The following NTM variants were observed in gnomAD, a reference collection of about 807,000 sequenced individuals.
NTM encodes the protein neurotrimin.
In NTM, 13 loss-of-function variants were observed where a neutral mutation model predicts 42.1. The observed-to-expected ratio is 0.31, with a 90% CI of 0.20 to 0.49. The LOEUF (loss-of-function observed/expected upper bound fraction) is 0.49. NTM is among the 20% of genes least tolerant of loss of function. NTM has a pLI of 0.99. For synonymous variants in NTM, 187 were observed against 179.2 expected, an observed-to-expected ratio of 1.04 and a Z score of -0.35; for missense variants, 373 against 452.8, an observed-to-expected ratio of 0.82 and a Z score of 1.60.
intron 1 of NTM, among the ~76,000 whole-genome samples, chr11:131,785,016 T>C (rs1473622640): frequency 1.3e-5 from 2 of 152,122 alleles, no homozygotes; most frequent in Non-Finnish European, 2.9e-5. Context: ...TTTAAAATCT[T>C]CCTTACTGTG....
chr11:132,138,563 AATCTATCT>A (rs6144568), intron 2 of NTM, among the ~76,000 whole-genome samples: 6,453 of 127,094 alleles, frequency 0.051, 227 homozygotes, highest in East Asian at 0.12. Context: ...TTTTCAACAG[AATCTATCT>A]ATCTATCTAT....
intron 3 of NTM, among the ~76,000 whole-genome samples, chr11:132,169,934 C>A (rs1001862866): frequency 1.3e-5 from 2 of 152,128 alleles, no homozygotes; most frequent in Non-Finnish European, 2.9e-5. Flanking sequence ...CTCCAGAAAT[C>A]TAGTGTTAGG....
At chr11:132,071,568 A>G (rs11222900) in intron 2 of NTM, among the ~76,000 whole-genome samples, 16,523 of 152,246 alleles carry the variant, frequency 0.11, 946 homozygotes, top group Middle Eastern at 0.19. Context: ...ATGAAAATAC[A>G]TTAGCCATGA....
chr11:132,173,730 T>A (rs1173675360), intron 3 of NTM, among the ~76,000 whole-genome samples: 1 of 152,148 alleles, frequency 6.6e-6, no homozygotes, highest in African/African-American at 2.4e-5. Context: ...GCTCACAGAT[T>A]GTGACTTGTG....
At chr11:132,106,307 T>C (rs1031683231) in intron 2 of NTM, among the ~76,000 whole-genome samples, 2 of 152,234 alleles carry the variant, frequency 1.3e-5, no homozygotes, top group African/African-American at 4.8e-5. Context: ...TTGTATGATA[T>C]TTCAACTTAG....
intron 4 of NTM, among the ~76,000 whole-genome samples, chr11:132,254,686 G>A (rs561995785): frequency 2.5e-4 from 38 of 152,152 alleles, no homozygotes; most frequent in African/African-American, 8.7e-4. Context: ...CTGGAAGACC[G>A]CACCACCATT....
At chr11:132,102,563 A>G (rs1282940028) in intron 2 of NTM, among the ~76,000 whole-genome samples, 1 of 152,242 alleles carries the variant, frequency 6.6e-6, no homozygotes, top group Non-Finnish European at 1.5e-5. Flanking sequence ...TCTTATAAGC[A>G]GGTAGCAAGG....
At chr11:131,762,952 C>A (rs1022244476) in intron 1 of NTM, among the ~76,000 whole-genome samples, 2 of 152,174 alleles carry the variant, frequency 1.3e-5, no homozygotes, top group Non-Finnish European at 2.9e-5. Flanking sequence ...GCTGGCAGCC[C>A]GGGAATGTCG....
At chr11:131,873,851 C>G (rs2048160039) in intron 1 of NTM, among the ~76,000 whole-genome samples, 1 of 142,140 alleles carries the variant, frequency 7.0e-6, no homozygotes, top group Admixed American at 7.5e-5. Context: ...TATTCCCCAC[C>G]CTGTGTCCAT....
intron 2 of NTM, among the ~76,000 whole-genome samples, chr11:131,936,344 T>A (rs2059214529): frequency 6.6e-6 from 1 of 152,188 alleles, no homozygotes; most frequent in Admixed American, 6.5e-5. Context: ...CTTTTGTCCG[T>A]CCTAAATTTT....
intron 1 of NTM, among the ~76,000 whole-genome samples, chr11:131,827,786 A>G (rs1003181911): frequency 6.6e-6 from 1 of 152,168 alleles, no homozygotes; most frequent in Non-Finnish European, 1.5e-5. Context: ...TCCCCAAATT[A>G]ACTTGTCACA....
At chr11:131,825,227 T>C (rs1420433169) in intron 1 of NTM, among the ~76,000 whole-genome samples, 2 of 152,170 alleles carry the variant, frequency 1.3e-5, no homozygotes, top group Non-Finnish European at 2.9e-5. Flanking sequence ...AAATCTCCCC[T>C]TTTCATAAAG....
At chr11:131,512,492 TG>T (rs1292377181) in intron 1 of NTM, among the ~76,000 whole-genome samples, 1 of 152,160 alleles carries the variant, frequency 6.6e-6, no homozygotes, top group Admixed American at 6.5e-5. Flanking sequence ...CTCCCACAGC[TG>T]GGTGCCTCCT....
intron 1 of NTM, among the ~76,000 whole-genome samples, chr11:131,744,126 C>T (rs574237063): frequency 2.6e-4 from 40 of 152,296 alleles, no homozygotes; most frequent in Non-Finnish European, 2.9e-5. Flanking sequence ...CTTAACCTTT[C>T]CTGATTTCCC....
chr11:131,769,104 G>C (rs548193020), intron 1 of NTM, among the ~76,000 whole-genome samples: 1 of 152,324 alleles, frequency 6.6e-6, no homozygotes, highest in Admixed American at 6.5e-5. Context: ...GCTGCAGGCA[G>C]TTCCCTCCCA....
intron 1 of NTM, chr11:131,911,025 C>T (rs1288520012): frequency 3.5e-5 from 36 of 1,029,092 alleles, no homozygotes; most frequent in Non-Finnish European, 4.0e-5. Context: ...GTTGGATGTC[C>T]CCCGTTCGAA....
chr11:131,659,327 C>T (rs1310209233), intron 1 of NTM, among the ~76,000 whole-genome samples: 1 of 152,198 alleles, frequency 6.6e-6, no homozygotes, highest in African/African-American at 2.4e-5. Context: ...CTGACCACAT[C>T]CTAGTGTGCA....
chr11:132,088,554 C>T lies in NTM; in HGVS notation c.168-57728C>T, dbSNP rs148971203. On this transcript the variant is annotated intron_variant, in intron 2 of 8. Transcript: ENST00000683400. ...TGCATGCAGGTTTCCCCCTCACACA[C>T]TGAATACCAGGCCACCACATACGAG... 4.1e-3 allele frequency among the ~76,000 whole-genome samples: 629 copies of T among 152,254 alleles called. 4 individuals are homozygous for T. Among genetic ancestry groups the T allele is most frequent in the African/African-American group, 0.015 (611 of 41,544 alleles).
chr11:131,752,748 G>T lies in NTM; in HGVS notation c.83-158816G>T, dbSNP rs554515002. On this transcript the variant is annotated intron_variant, in intron 1 of 8. Transcript: ENST00000683400. ...CTTATACAAAAATTAATTCAAGATT[G>T]ATTAAAGACTTAAACGTTAGCCCTA... 1.7e-4 allele frequency among the ~76,000 whole-genome samples: 26 copies of T among 151,800 alleles called. No homozygotes were observed. The South Asian group carries it at 4.2e-3, about 24-fold the overall frequency.
Sources: gnomAD v4.1 joint callset for allele counts (sites outside exome capture counted in the v4.1 genomes callset) on GRCh38, gnomAD v4.1.1 for gene constraint, MANE v1.5 for transcripts, NCBI Gene and HGNC (gene_info 2026-07-23, HGNC 2026-07-21) for gene names.